The following CFAP20DC variants were observed in gnomAD, a reference collection of about 807,000 sequenced individuals.
The protein encoded by CFAP20DC is protein CFAP20DC.
In CFAP20DC, 84 loss-of-function variants were observed where a neutral mutation model predicts 101.7. That is an observed-to-expected ratio of 0.83 (90% CI 0.69 to 0.99). CFAP20DC has a LOEUF of 0.99. Ranked by LOEUF, CFAP20DC falls within the 50% of genes least tolerant of loss-of-function variation. CFAP20DC has a pLI of 0.00. For synonymous variants in CFAP20DC, 359 were observed against 351.2 expected (o/e 1.02, Z -0.25); for missense variants, 1,007 against 970.3 (o/e 1.04, Z -0.50).
At chr3:58,870,894 C>CAAA (rs548763648) in intron 7 of CFAP20DC, among the ~76,000 whole-genome samples, 21 of 18,940 alleles carry the variant, frequency 1.1e-3, no homozygotes, top group South Asian at 3.2e-3. Context: ...GACTCCGTCT[C>CAAA]AAAAAAAAAA....
At chr3:58,826,760 G>T (rs1405997941) in intron 14 of CFAP20DC, among the ~76,000 whole-genome samples, 3 of 152,322 alleles carry the variant, frequency 2.0e-5, no homozygotes, top group African/African-American at 7.2e-5. Flanking sequence ...AAGAACACAG[G>T]CAGGGTTCTG....
rs139082482 is a variant in CFAP20DC at position 58,794,537 on chromosome 3, A to G, written c.2237+11858T>C. On this transcript the variant is annotated intron_variant, in intron 15 of 16. Coordinates refer to ENST00000482387, the MANE Select transcript of CFAP20DC (RefSeq NM_001394063.1). ...ATGAAGCTGTGAATGCTGGTAAACAATGCATTGCTAGAGTGAAAAATTATG... is the reference window on the plus strand; with the variant it reads ...ATGAAGCTGTGAATGCTGGTAAACAGTGCATTGCTAGAGTGAAAAATTATG... Among the ~76,000 whole-genome samples, 497 of 152,342 alleles carry G rather than the reference A, an allele frequency of 3.3e-3. 2 individuals carry two copies. The highest frequency in any genetic ancestry group is 0.011 in the African/African-American group (458 of 41,574).
chr3:58,790,317 G>A lies in CFAP20DC; in HGVS notation c.2237+16078C>T, dbSNP rs549509549. Among the ~76,000 whole-genome samples the A allele has an allele frequency of 3.3e-5, 5 of 151,650 alleles. No individual in the cohort carries two copies. The East Asian group carries it at 5.8e-4, about 18-fold the overall frequency. ...CAGTTGTATATCTTTGATATGGACC[G>A]GAGACAGGGAAATAATGGGTAGAAG... On this transcript the variant is annotated intron_variant, in intron 15 of 16. Transcript: ENST00000482387.
chr3:58,741,903 G>A (rs144114045), downstream of CFAP20DC: 1,453 of 200,012 alleles, frequency 7.3e-3, 9 homozygotes, highest in Non-Finnish European at 9.5e-3. Flanking sequence ...AGTCTGACCA[G>A]TTCACAATGT....
intron 4 of CFAP20DC, among the ~76,000 whole-genome samples, chr3:59,028,751 T>A (rs933652982): frequency 1.3e-5 from 2 of 152,232 alleles, no homozygotes; most frequent in African/African-American, 4.8e-5. Context: ...CTATCCAGGC[T>A]AATTCTGAGG....
In CFAP20DC at chr3:58,878,217, C is replaced by G. The variant is rs377319796; in HGVS notation, c.715+6328G>C. On this transcript the variant is annotated intron_variant, in intron 7 of 16. Transcript: ENST00000482387. ...CCCTAGGCAATTAAAATGTCTTCAA[C>G]TTTTGCAAATAATTAAAACCAGAAC... is the stretch of plus-strand genomic sequence containing the variant. Among the ~76,000 whole-genome samples, 10 of 152,314 alleles carry G rather than the reference C, an allele frequency of 6.6e-5. No homozygotes were observed. The East Asian group carries it at 1.7e-3, about 26-fold the overall frequency.
At chr3:58,920,891 T>C (rs1389197078) in intron 5 of CFAP20DC, among the ~76,000 whole-genome samples, 2 of 152,208 alleles carry the variant, frequency 1.3e-5, no homozygotes, top group African/African-American at 4.8e-5. Flanking sequence ...TTTAGAAGAA[T>C]TATCTGTAAA....
At chr3:58,790,823 A>G (rs916211443) in intron 15 of CFAP20DC, among the ~76,000 whole-genome samples, 1 of 152,212 alleles carries the variant, frequency 6.6e-6, no homozygotes, top group African/African-American at 2.4e-5. Flanking sequence ...GATTAGGACT[A>G]TGCCAGGACC....
At chr3:58,936,584 C>G (rs1033547242) in intron 5 of CFAP20DC, among the ~76,000 whole-genome samples, 11 of 152,170 alleles carry the variant, frequency 7.2e-5, no homozygotes, top group Non-Finnish European at 1.0e-4. Flanking sequence ...CCATGGAATA[C>G]TATGCAGCCA....
Position 59,015,122 on chromosome 3 carries a change from T to C in CFAP20DC, c.278+24435A>G, listed in dbSNP as rs1197303859. Among the ~76,000 whole-genome samples the C allele has an allele frequency of 6.6e-6, 1 of 152,118 alleles. No homozygotes were observed. Among genetic ancestry groups the C allele is most frequent in the Non-Finnish European group, 1.5e-5 (1 of 68,008 alleles). The stretch of plus-strand genomic sequence containing the variant: ...GAAGAGCCTAAGGTTGAGTTCTTGC[T>C]GAACAGGTGCGGGAGGAGGCAGGCT... On this transcript the variant is annotated intron_variant, in intron 4 of 16. Coordinates refer to ENST00000482387, the MANE Select transcript of CFAP20DC (RefSeq NM_001394063.1). This position sits in a 1 kb window ranked among gnomAD's most constrained non-coding sequence, Gnocchi z 5.4.
At chr3:58,856,135 C>T (rs1255801934) in intron 12 of CFAP20DC, among the ~76,000 whole-genome samples, 1 of 151,086 alleles carries the variant, frequency 6.6e-6, no homozygotes, top group Admixed American at 6.6e-5. Context: ...AAAAACCCCT[C>T]TCCTAACAAA....
At chr3:58,881,321 G>GC (rs1428803967) in intron 7 of CFAP20DC, among the ~76,000 whole-genome samples, 1 of 152,094 alleles carries the variant, frequency 6.6e-6, no homozygotes, top group Non-Finnish European at 1.5e-5. Context: ...GTGGACCACT[G>GC]CATCTTGTCA....
chr3:58,921,584 T>C (rs1355001908), intron 5 of CFAP20DC, among the ~76,000 whole-genome samples: 1 of 152,214 alleles, frequency 6.6e-6, no homozygotes, highest in Non-Finnish European at 1.5e-5. Context: ...TTTAATTCCC[T>C]TATAGCACAG....
intron 6 of CFAP20DC, among the ~76,000 whole-genome samples, chr3:58,904,811 G>A (rs1287254552): frequency 6.6e-6 from 1 of 152,084 alleles, no homozygotes; most frequent in Non-Finnish European, 1.5e-5. Flanking sequence ...TGTTCAGTGA[G>A]TCTATTAAGG....
chr3:58,913,867 A>T lies in CFAP20DC; in HGVS notation c.394-3T>A. On this transcript the variant is annotated splice_polypyrimidine_tract_variant and splice_region_variant and intron_variant, in intron 5 of 16. Transcript: ENST00000482387. The surrounding 1 kb of genome is among the most constrained non-coding windows in gnomAD (Gnocchi z 4.4). ...AAGTCAATGCATAGATTGCACCACT[A>T]AAATAGAGAGATGCAAAGAAGAGTA... 6.2e-7 allele frequency: 1 copy of T among 1,613,142 alleles called. No homozygotes were observed.
chr3:59,045,784 AC>A (rs1427863802), intron 3 of CFAP20DC, among the ~76,000 whole-genome samples: 2 of 152,060 alleles, frequency 1.3e-5, no homozygotes, highest in East Asian at 3.8e-4. Flanking sequence ...ATTTTTTCTC[AC>A]AAATTAATTT....
intron 16 of CFAP20DC, among the ~76,000 whole-genome samples, chr3:58,744,765 T>C (rs2068080020): frequency 6.6e-6 from 1 of 152,096 alleles, no homozygotes; most frequent in Non-Finnish European, 1.5e-5. Flanking sequence ...GAGCCATTTT[T>C]TTGGGGAGGC....
chr3:58,734,555 C>T, intron 3 of CFAP20DC: 1 of 456,522 alleles, frequency 2.2e-6, no homozygotes, highest in South Asian at 1.5e-5. Context: ...GGGATTAAAT[C>T]ATCCTTTAAG....
At chr3:58,734,653 T>C (rs2067710696) in intron 3 of CFAP20DC, 2 of 447,358 alleles carry the variant, frequency 4.5e-6, no homozygotes, top group South Asian at 1.6e-5. Flanking sequence ...CAGGTGCCTA[T>C]GGTCCCCAAG....
Sources: gnomAD v4.1 joint callset for allele counts (sites outside exome capture counted in the v4.1 genomes callset) on GRCh38, gnomAD v4.1.1 for gene constraint, Gnocchi (gnomAD v3.1) non-coding constraint, MANE v1.5 for transcripts, NCBI Gene and HGNC (gene_info 2026-07-23, HGNC 2026-07-21) for gene names.